The following POLG2 variants were observed in gnomAD, a reference collection of about 807,000 sequenced individuals.
POLG2 encodes DNA polymerase subunit gamma-2.
Under a neutral mutation model 56.5 loss-of-function variants are expected in POLG2, and 50 were observed. The observed-to-expected ratio is 0.88, with a 90% confidence interval of 0.71 to 1.12. The LOEUF (loss-of-function observed/expected upper bound fraction) is 1.12, where lower values mean the gene tolerates loss of function less well. Among genes scored for constraint, POLG2 ranks in the 50% most tolerant of loss-of-function variants. The probability of loss-of-function intolerance (pLI) is 0.00; values close to 1 mark genes in which losing one functional copy is unlikely to be tolerated. For missense variants in POLG2, 584 were observed against 583.3 expected (o/e 1.00, Z -0.01); for synonymous variants, 226 against 222.6 (o/e 1.02, Z -0.14).
At chr17:64,495,177 C>CAAAA (rs782184151) in intron 1 of POLG2, among the ~76,000 whole-genome samples, 5 of 119,348 alleles carry the variant, frequency 4.2e-5, no homozygotes, top group African/African-American at 1.6e-4. Context: ...GACTCTGTCT[C>CAAAA]AAAAAAAAAA....
intron 6 of POLG2, among the ~76,000 whole-genome samples, chr17:64,480,915 G>T (rs1445596693): frequency 6.6e-6 from 1 of 152,228 alleles, no homozygotes; most frequent in East Asian, 1.9e-4. Flanking sequence ...TGGAATGCTG[G>T]AGACAAAAGC....
chr17:64,483,672 CT>C (rs1465163256), intron 5 of POLG2, among the ~76,000 whole-genome samples: 1 of 150,390 alleles, frequency 6.6e-6, no homozygotes, highest in African/African-American at 2.4e-5. Flanking sequence ...CTGTTCTTCT[CT>C]TTTTATATAT....
chr17:64,496,080 TAAGAA>T (rs782132989), intron 1 of POLG2, among the ~76,000 whole-genome samples: 2 of 152,322 alleles, frequency 1.3e-5, no homozygotes, highest in South Asian at 4.1e-4. Flanking sequence ...AGAATAAATC[TAAGAA>T]AAGTTCAAAA....
chr17:64,496,613 A>C lies in POLG2; in HGVS notation c.356T>G (p.Val119Gly), dbSNP rs1555669566. Residue 119 changes from valine to glycine, a missense_variant, in exon 1 of 8, where the codon GTG (valine) becomes GGG (glycine). By Grantham distance (109) the Val-to-Gly change is moderately radical. Transcript: ENST00000539111. The part of the protein sequence containing the change: ...NLAAEWWTSV[V>G]VFREQVFPVD... ...CGGGAATACCTGCTCCCTGAACACCACCACCGAGGTCCACCATTCTGCGGC... is the reference window on the plus strand; with the variant it reads ...CGGGAATACCTGCTCCCTGAACACCCCCACCGAGGTCCACCATTCTGCGGC... 1.9e-6 allele frequency: 3 copies of C among 1,613,654 alleles called. No individual in the cohort carries two copies. Among genetic ancestry groups the C allele is most frequent in the Admixed American group, 3.3e-5 (2 of 59,998 alleles).
intron 7 of POLG2, 146 bp from the exon 8 acceptor site, chr17:64,478,134 TA>T (rs2037798278): frequency 1.4e-6 from 1 of 737,748 alleles, no homozygotes; most frequent in African/African-American, 1.8e-5. Flanking sequence ...CCAACATTTT[TA>T]AAGTTTCTGA....
chr17:64,482,096 CTT>C (rs1185623297), intron 6 of POLG2, among the ~76,000 whole-genome samples: 281 of 116,024 alleles, frequency 2.4e-3, no homozygotes, highest in African/African-American at 8.5e-3. Context: ...TTAATTAAAG[CTT>C]TTTTTTTTTT....
intron 4 of POLG2, 23 bp downstream of exon 4, chr17:64,490,773 T>C (rs782059086): frequency 2.1e-5 from 34 of 1,589,560 alleles, no homozygotes; most frequent in East Asian, 1.6e-4. Context: ...AAAAAATACA[T>C]AGGAGCTCCA....
At chr17:64,480,761 G>T (rs1471641269) in intron 6 of POLG2, among the ~76,000 whole-genome samples, 2 of 152,134 alleles carry the variant, frequency 1.3e-5, no homozygotes, top group African/African-American at 4.8e-5. Flanking sequence ...CATCTGAGAG[G>T]TGAGACCTGA....
Position 64,489,361 on chromosome 17 carries a change from T to TTA in POLG2, c.969+1434_969+1435insTA, listed in dbSNP as rs1555668106. On this transcript the variant is annotated intron_variant, in intron 4 of 7. Coordinates refer to ENST00000539111, the MANE Select transcript of POLG2 (RefSeq NM_007215.4). ...AGGAATGATGGAATTTGTTTTTTTTTAAAAAAAAAAAAAAGGGAAGGGGAA... is the reference window on the plus strand; with the variant it reads ...AGGAATGATGGAATTTGTTTTTTTTTTAAAAAAAAAAAAAAAGGGAAGGGGAA... 9.0e-3 allele frequency among the ~76,000 whole-genome samples: 1,223 copies of TTA among 135,362 alleles called. 9 individuals are homozygous for TTA. The highest frequency in any genetic ancestry group is 0.015 in the Middle Eastern group (4 of 266). 88.8% of individuals were successfully genotyped at this position (135,362 alleles called of 152,430 possible). A position where few individuals can be genotyped will look rare whatever the true frequency, so the allele number is the denominator to read the frequency against.
chr17:64,495,242 T>C (rs557609627), intron 1 of POLG2, among the ~76,000 whole-genome samples: 17 of 150,624 alleles, frequency 1.1e-4, no homozygotes, highest in African/African-American at 3.9e-4. Context: ...TGAGGGTCAT[T>C]GCTTCTAGGA....
chr17:64,482,823 C>A, intron 6 of POLG2, 96 bp downstream of exon 6: 2 of 752,180 alleles, frequency 2.7e-6, no homozygotes, highest in South Asian at 1.5e-5. Flanking sequence ...GCAAATATAC[C>A]AAAAAAATCC....
At chr17:64,484,443 C>A (rs564297069) in intron 5 of POLG2, among the ~76,000 whole-genome samples, 1 of 152,228 alleles carries the variant, frequency 6.6e-6, no homozygotes, top group East Asian at 1.9e-4. Context: ...TGGAGAACAG[C>A]AGATCAAAAA....
intron 7 of POLG2, among the ~76,000 whole-genome samples, chr17:64,479,747 G>T (rs1555666138): frequency 6.6e-6 from 1 of 152,206 alleles, no homozygotes; most frequent in Non-Finnish European, 1.5e-5. Flanking sequence ...AGATGGATGA[G>T]ATACATTTAG....
Position 64,485,712 on chromosome 17 carries a change from G to C in POLG2, c.1110+16C>G, listed in dbSNP as rs782567595. On this transcript the variant is annotated intron_variant, in intron 5 of 7. Coordinates refer to ENST00000539111, the MANE Select transcript of POLG2 (RefSeq NM_007215.4). ...TTTTTAGTTTCCCAAGTCTATCTCT[G>C]AAATATCAACAGCACCTTTCTATGA... The C allele has an allele frequency of 1.7e-5, 28 of 1,603,002 alleles. No homozygotes were observed. In the South Asian group the frequency reaches 3.1e-4, roughly 18 times the overall value.
rs781900450 is a variant in POLG2 at position 64,485,847 on chromosome 17, C to T, written c.991G>A (p.Val331Met). ...KLHGRDGRKNVVPCVLSVNGD... is the reference protein window; with the variant it reads ...KLHGRDGRKNMVPCVLSVNGD... ...TTTACAGAGAGAACACAAGGAACCA[C>T]ATTTTTTCGTCCATCTCGGCCCTTC... Residue 331 changes from valine to methionine, a missense_variant, in exon 5 of 8, where the codon GTG (valine) becomes ATG (methionine). By Grantham distance (21) the Val-to-Met change is conservative. Transcript: ENST00000539111. 6 of 1,614,108 alleles carry T rather than the reference C, an allele frequency of 3.7e-6. No individual in the cohort carries two copies. The highest frequency in any genetic ancestry group is 1.3e-5 in the African/African-American group (1 of 75,058).
chr17:64,491,759 C>T (rs1598132781), intron 3 of POLG2: 1 of 694,064 alleles, frequency 1.4e-6, no homozygotes, highest in South Asian at 1.4e-5. Context: ...ACAAGGAGCT[C>T]AAGCACGAGC....
At chr17:64,484,840 C>T (rs1048775237) in intron 5 of POLG2, among the ~76,000 whole-genome samples, 15 of 152,174 alleles carry the variant, frequency 9.9e-5, no homozygotes, top group African/African-American at 3.6e-4. Context: ...CCTACAAACT[C>T]ATGGTTCCCA....
intron 5 of POLG2, 177 bp downstream of exon 5, chr17:64,485,551 G>GT (rs1555667265): frequency 1.6e-6 from 1 of 629,434 alleles, no homozygotes; most frequent in Non-Finnish European, 2.8e-6. Context: ...GTTCTATTCT[G>GT]TGAGAACCTG....
intron 1 of POLG2, among the ~76,000 whole-genome samples, chr17:64,495,110 G>GCA (rs2038127778): frequency 6.7e-6 from 1 of 149,748 alleles, no homozygotes. Flanking sequence ...CCTGGGAGAT[G>GCA]GAGCTTGCAG....
Sources: gnomAD v4.1 joint callset for allele counts (sites outside exome capture counted in the v4.1 genomes callset) on GRCh38, gnomAD v4.1.1 for gene constraint, MANE v1.5 for transcripts, NCBI Gene and HGNC (gene_info 2026-07-23, HGNC 2026-07-21) for gene names.